Variants in STPG2 observed in about 807,000 individuals in gnomAD.
STPG2 encodes the protein sperm tail PG-rich repeat containing 2.
In STPG2, 56 loss-of-function variants were observed where a neutral mutation model predicts 54.2. The ratio of observed to expected loss-of-function variants is 1.03; its 90% CI spans 0.83 to 1.29. The LOEUF (loss-of-function observed/expected upper bound fraction) is 1.29. Ranked by LOEUF, STPG2 falls within the 50% of genes most tolerant of loss-of-function variation. STPG2 has a pLI of 0.00. For synonymous variants in STPG2, 200 were observed against 181.8 expected, an observed-to-expected ratio of 1.10 and a Z score of -0.81; for missense variants, 596 against 544.9, an observed-to-expected ratio of 1.09 and a Z score of -0.93.
At chr4:98,047,451 C>T (rs1002124892) in intron 5 of STPG2, among the ~76,000 whole-genome samples, 1 of 152,186 alleles carries the variant, frequency 6.6e-6, no homozygotes, top group African/African-American at 2.4e-5. Flanking sequence ...AGGCAAATCC[C>T]TTCCAGGGAG....
At chr4:97,779,533 C>G (rs1361664968) in intron 9 of STPG2, among the ~76,000 whole-genome samples, 2 of 152,046 alleles carry the variant, frequency 1.3e-5, no homozygotes, top group South Asian at 2.1e-4. Context: ...GAGAACTTCC[C>G]CAACCTAGCA....
At chr4:98,027,870 T>C (rs1736475606) in intron 5 of STPG2, among the ~76,000 whole-genome samples, 1 of 152,164 alleles carries the variant, frequency 6.6e-6, no homozygotes, top group African/African-American at 2.4e-5. Flanking sequence ...GTCTCAATAG[T>C]CTTCCTTCAT....
At chr4:97,585,080 G>T (rs1273403890) in intron 10 of STPG2, among the ~76,000 whole-genome samples, 1 of 49,694 alleles carries the variant, frequency 2.0e-5, no homozygotes, top group Non-Finnish European at 4.0e-5. Context: ...ACTAAAACCA[G>T]GAAAGGACAT....
At chr4:97,576,070 C>G (rs1240291267) in intron 10 of STPG2, among the ~76,000 whole-genome samples, 2 of 151,932 alleles carry the variant, frequency 1.3e-5, no homozygotes, top group African/African-American at 2.4e-5. Flanking sequence ...TGAAAGATCT[C>G]TATAAGGAGA....
intron 9 of STPG2, among the ~76,000 whole-genome samples, chr4:97,806,239 T>C (rs4699575): frequency 0.94 from 142,463 of 152,144 alleles, 66,797 homozygotes; most frequent in East Asian, 1. Flanking sequence ...AGCTGGAGGC[T>C]GTTATCCAAA....
chr4:97,874,405 T>C (rs972753597), intron 8 of STPG2, among the ~76,000 whole-genome samples: 1 of 151,712 alleles, frequency 6.6e-6, no homozygotes, highest in Non-Finnish European at 1.5e-5. Flanking sequence ...ATTTACAGTA[T>C]ACAATTAAGT....
At chr4:97,698,191 C>T in intron 10 of STPG2, among the ~76,000 whole-genome samples, 1 of 152,134 alleles carries the variant, frequency 6.6e-6, no homozygotes, top group East Asian at 1.9e-4. Flanking sequence ...GTGACTCAAA[C>T]CTTCATTCCT....
intron 5 of STPG2, among the ~76,000 whole-genome samples, chr4:98,064,014 T>C (rs955818119): frequency 2.6e-5 from 4 of 152,064 alleles, no homozygotes; most frequent in Non-Finnish European, 5.9e-5. Flanking sequence ...AGAAAGGTGA[T>C]ATAATAAAAG....
chr4:97,766,834 AATTTT>A (rs1553911758), intron 9 of STPG2, among the ~76,000 whole-genome samples: 1 of 152,054 alleles, frequency 6.6e-6, no homozygotes, highest in Non-Finnish European at 1.5e-5. Flanking sequence ...TCTTCTAATT[AATTTT>A]ATTATATTTA....
At chr4:97,446,707 CCT>C (rs1362162807) in intron 4 of STPG2, among the ~76,000 whole-genome samples, 1 of 152,128 alleles carries the variant, frequency 6.6e-6, no homozygotes, top group African/African-American at 2.4e-5. Flanking sequence ...GTACCTCTTC[CCT>C]CTGTCTTTTC....
intron 8 of STPG2, among the ~76,000 whole-genome samples, chr4:97,880,926 T>C (rs1006256922): frequency 1.3e-5 from 2 of 152,100 alleles, no homozygotes; most frequent in Non-Finnish European, 2.9e-5. Context: ...TATTCTTTGT[T>C]ATTGCTGCTA....
At chr4:97,889,080 T>A (rs1730678085) in intron 8 of STPG2, among the ~76,000 whole-genome samples, 1 of 152,204 alleles carries the variant, frequency 6.6e-6, no homozygotes, top group Non-Finnish European at 1.5e-5. Context: ...CCATTAATAC[T>A]GTTTTCTTTA....
chr4:97,898,356 C>T (rs1026709701), intron 8 of STPG2, among the ~76,000 whole-genome samples: 16 of 148,420 alleles, frequency 1.1e-4, no homozygotes, highest in African/African-American at 3.7e-4. Context: ...TCTTAATTAC[C>T]AATAAGTTGT....
At chr4:97,560,855 A>G (rs949085760) in intron 10 of STPG2, among the ~76,000 whole-genome samples, 2 of 152,146 alleles carry the variant, frequency 1.3e-5, no homozygotes, top group Non-Finnish European at 2.9e-5. Context: ...GCAAATCTAT[A>G]AGGAAATGTG....
intron 9 of STPG2, among the ~76,000 whole-genome samples, chr4:97,734,555 A>G (rs996205149): frequency 6.6e-6 from 1 of 152,196 alleles, no homozygotes; most frequent in Non-Finnish European, 1.5e-5. Flanking sequence ...TGTTGAGATG[A>G]TCATATATTT....
At chr4:97,700,508 C>T (rs1723737258) in intron 10 of STPG2, among the ~76,000 whole-genome samples, 1 of 152,164 alleles carries the variant, frequency 6.6e-6, no homozygotes, top group African/African-American at 2.4e-5. Context: ...ACCACTGGAC[C>T]CCTAGAAATT....
intron 5 of STPG2, among the ~76,000 whole-genome samples, chr4:98,005,128 G>A (rs557700796): frequency 7.9e-5 from 12 of 152,196 alleles, no homozygotes; most frequent in South Asian, 2.1e-4. Flanking sequence ...GGCAGGAAGC[G>A]TCCAGCACAT....
At chr4:97,893,326 A>T (rs954811325) in intron 8 of STPG2, 2 of 152,100 alleles carry the variant, frequency 1.3e-5, no homozygotes, top group African/African-American at 2.4e-5. Context: ...GGACTGAAGC[A>T]CTTTGACTAA....
At chr4:98,053,029 A>G (rs1161819810) in intron 5 of STPG2, among the ~76,000 whole-genome samples, 2 of 152,156 alleles carry the variant, frequency 1.3e-5, no homozygotes, top group African/African-American at 4.8e-5. Context: ...GAGGAATATA[A>G]AAGGACTGAT....
Sources: allele counts gnomAD v4.1 joint callset (sites outside exome capture counted in the v4.1 genomes callset), GRCh38; gene constraint gnomAD v4.1.1; transcripts MANE v1.5; gene names NCBI Gene and HGNC (gene_info 2026-07-23, HGNC 2026-07-21).